The following VSTM2L variants were observed in gnomAD, a reference collection of about 807,000 sequenced individuals.
VSTM2L encodes the protein V-set and transmembrane domain-containing protein 2-like protein.
A neutral mutation model predicts 19.9 loss-of-function variants in VSTM2L; 9 were observed. The ratio of observed to expected loss-of-function variants is 0.45; its 90% CI spans 0.27 to 0.79. The LOEUF is 0.79. Ranked by LOEUF, VSTM2L falls within the 30% of genes least tolerant of loss-of-function variation. VSTM2L has a pLI of 0.15. For synonymous variants in VSTM2L, 127 were observed against 133.8 expected (o/e 0.95, Z 0.35); for missense variants, 286 against 295.5 (o/e 0.97, Z 0.24).
At chr20:37,941,369 CCCACCCAGGCAGAGGGCCCA>C (rs2072970764) in intron 3 of VSTM2L, among the ~76,000 whole-genome samples, 1 of 152,054 alleles carries the variant, frequency 6.6e-6, no homozygotes, top group Non-Finnish European at 1.5e-5. Context: ...AACAGGGAAC[CCCACCCAGGCAGAGGGCCCA>C]GCACGCGCAA....
intron 1 of VSTM2L, among the ~76,000 whole-genome samples, chr20:37,906,121 T>A (rs1034930130): frequency 1.3e-5 from 2 of 151,978 alleles, no homozygotes; most frequent in Admixed American, 6.6e-5. Flanking sequence ...TGGTGGCTGC[T>A]CACCCCTCCA....
In VSTM2L at chr20:37,941,488, C is replaced by A. The variant is rs551737841; in HGVS notation, c.343-2493C>A. On this transcript the variant is annotated intron_variant, in intron 3 of 3. Coordinates refer to ENST00000373461, the MANE Select transcript of VSTM2L (RefSeq NM_080607.3). ...ATTGGTAAGACGATTAGAAGTCACACGTGTGAGTGCCCAGCACAGGCTCAG... is the reference window on the plus strand; with the variant it reads ...ATTGGTAAGACGATTAGAAGTCACAAGTGTGAGTGCCCAGCACAGGCTCAG... 3.9e-5 allele frequency among the ~76,000 whole-genome samples: 6 copies of A among 152,312 alleles called. No individual in the cohort carries two copies. In the East Asian group the frequency reaches 1.2e-3, roughly 29 times the overall value.
At position 37,926,083 on chromosome 20, in the gene VSTM2L, T is replaced by C. The variant is rs1209749217; in HGVS notation, c.122-5552T>C. 4.6e-5 allele frequency among the ~76,000 whole-genome samples: 7 copies of C among 152,288 alleles called. No individual in the cohort carries two copies. In the East Asian group the frequency reaches 1.2e-3, roughly 25 times the overall value. On this transcript the variant is annotated intron_variant, in intron 1 of 3. Transcript: ENST00000373461. ...CCCTTTTTTTGTTTGTTTTTTGAGA[T>C]GGAGTTTCGCTCTTGTTGCCCAGGC...
intron 1 of VSTM2L, among the ~76,000 whole-genome samples, chr20:37,909,381 T>C (rs949051066): frequency 6.6e-6 from 1 of 152,060 alleles, no homozygotes; most frequent in Non-Finnish European, 1.5e-5. Context: ...TGAAAGGAGT[T>C]TGGGGCCCGC....
rs140217890 is a variant in VSTM2L, at chr20:37,931,921, C to T, written c.291+117C>T. 4.9e-5 allele frequency: 58 copies of T among 1,181,316 alleles called. No individual in the cohort carries two copies. The Admixed American group carries it at 1.4e-3, about 28-fold the overall frequency. The allele number at this position is 1,181,316 out of a possible 1,614,324, so 73.2% of individuals were successfully genotyped here. ...ATATGGGCTCCAACGCTGTTCTCCA[C>T]ACCACACAGCTGTCTCCCTCCCTTC... On this transcript the variant is annotated intron_variant, in intron 2 of 3. Transcript: ENST00000373461.
In VSTM2L at chr20:37,944,531, G is replaced by A. The variant is rs2072997109; in HGVS notation, c.*278G>A. ...AACACTGGGGCAGGGACCATGCTGG[G>A]GCCCGGGGCCACCCCCTTCCTGTCA... On this transcript the variant is annotated 3_prime_UTR_variant, in exon 4 of 4. Coordinates refer to ENST00000373461, the MANE Select transcript of VSTM2L (RefSeq NM_080607.3). The A allele has an allele frequency of 1.7e-6, 2 of 1,199,842 alleles. No homozygotes were observed. The highest frequency in any genetic ancestry group is 4.3e-5 in the Admixed American group (1 of 23,262). 74.3% of individuals were successfully genotyped at this position (1,199,842 alleles called of 1,614,324 possible).
chr20:37,920,855 C>T (rs2072846349), intron 1 of VSTM2L, among the ~76,000 whole-genome samples: 1 of 152,182 alleles, frequency 6.6e-6, no homozygotes, highest in Non-Finnish European at 1.5e-5. Flanking sequence ...TTCCTTAGAA[C>T]TTCAATCCTC....
chr20:37,932,359 G>C (rs554664723), intron 2 of VSTM2L, among the ~76,000 whole-genome samples: 32 of 152,264 alleles, frequency 2.1e-4, no homozygotes, highest in African/African-American at 7.5e-4. Flanking sequence ...CCCATGCCTG[G>C]TGTGCAGCGT....
intron 1 of VSTM2L, 100 bp from the exon 2 acceptor site, chr20:37,931,535 C>CCCCT: frequency 7.3e-7 from 1 of 1,367,866 alleles, no homozygotes; most frequent in Non-Finnish European, 1.0e-6. Flanking sequence ...ACCCATCCCC[C>CCCCT]GCCGTGCAGG....
chr20:37,931,594 T>A (rs761611521), intron 1 of VSTM2L, 41 bp from the exon 2 acceptor site: 1 of 1,559,664 alleles, frequency 6.4e-7, no homozygotes, highest in Non-Finnish European at 8.7e-7. Context: ...AGCCCCGTGG[T>A]TTCCTGAGCC....
chr20:37,923,238 C>T (rs985736691), intron 1 of VSTM2L, among the ~76,000 whole-genome samples: 3 of 152,136 alleles, frequency 2.0e-5, no homozygotes, highest in Non-Finnish European at 2.9e-5. Flanking sequence ...TCATGCTGAA[C>T]CAGGGTCTGG....
rs761595798 is a variant in VSTM2L at position 37,945,023 on chromosome 20, C to T, written c.*770C>T. 82 of 985,790 alleles carry T rather than the reference C, an allele frequency of 8.3e-5. No individual in the cohort carries two copies. Among genetic ancestry groups the T allele is most frequent in the Middle Eastern group, 5.2e-4 (1 of 1,916 alleles). The allele number at this position is 985,790 out of a possible 1,614,324, so 61.1% of individuals were successfully genotyped here. On this transcript the variant is annotated 3_prime_UTR_variant, in exon 4 of 4. Coordinates refer to ENST00000373461, the MANE Select transcript of VSTM2L (RefSeq NM_080607.3). ...CTTCAAGGCTCTCCCAGGAGTCCCC[C>T]TCTGCCGGCCCCCCAATGCCCCAGC...
chr20:37,934,764 A>T (rs1303599401), intron 3 of VSTM2L, among the ~76,000 whole-genome samples: 1 of 152,058 alleles, frequency 6.6e-6, no homozygotes, highest in Non-Finnish European at 1.5e-5. Flanking sequence ...GGCATCATGG[A>T]GGCAGAGAGG....
chr20:37,910,934 A>G (rs1050614997), intron 1 of VSTM2L, among the ~76,000 whole-genome samples: 3 of 149,190 alleles, frequency 2.0e-5, no homozygotes, highest in Non-Finnish European at 4.4e-5. Context: ...AAAAAAAAAG[A>G]AAAAGAAGAA....
At chr20:37,905,102 G>A (rs941697296) in intron 1 of VSTM2L, among the ~76,000 whole-genome samples, 3 of 152,068 alleles carry the variant, frequency 2.0e-5, no homozygotes, top group Non-Finnish European at 2.9e-5. Flanking sequence ...GGCAAAGACA[G>A]CGCTTTTTTC....
At chr20:37,924,091 G>A (rs931521627) in intron 1 of VSTM2L, among the ~76,000 whole-genome samples, 35 of 152,008 alleles carry the variant, frequency 2.3e-4, no homozygotes, top group Admixed American at 1.3e-4. Flanking sequence ...TTAAAAATTA[G>A]CTTGTTGTAG....
At chr20:37,912,685 T>C (rs371559734) in intron 1 of VSTM2L, among the ~76,000 whole-genome samples, 37 of 152,288 alleles carry the variant, frequency 2.4e-4, no homozygotes, top group African/African-American at 8.9e-4. Flanking sequence ...TGGGAGCATC[T>C]GGAAGGTTAG....
At chr20:37,921,094 A>G (rs1049806385) in intron 1 of VSTM2L, among the ~76,000 whole-genome samples, 3 of 152,188 alleles carry the variant, frequency 2.0e-5, no homozygotes, top group Non-Finnish European at 4.4e-5. Flanking sequence ...GTCATATAAC[A>G]CACTCAGCAT....
chr20:37,944,576 G>C lies in VSTM2L; in HGVS notation c.*323G>C. ...CTGTCACCAGCTTCTGTGGAGTCCAGTGTTTTGCTTTGCTTGCTTGTCCCC... is the reference window on the plus strand; with the variant it reads ...CTGTCACCAGCTTCTGTGGAGTCCACTGTTTTGCTTTGCTTGCTTGTCCCC... On this transcript the variant is annotated 3_prime_UTR_variant, in exon 4 of 4. Coordinates refer to ENST00000373461, the MANE Select transcript of VSTM2L (RefSeq NM_080607.3). The C allele has an allele frequency of 8.8e-7, 1 of 1,130,662 alleles. No individual in the cohort carries two copies. The highest frequency in any genetic ancestry group is 1.1e-6 in the Non-Finnish European group (1 of 923,834). 70.0% of individuals were successfully genotyped at this position (1,130,662 alleles called of 1,614,324 possible).
Sources: allele counts gnomAD v4.1 joint callset (sites outside exome capture counted in the v4.1 genomes callset), GRCh38; gene constraint gnomAD v4.1.1; transcripts MANE v1.5; gene names NCBI Gene and HGNC (gene_info 2026-07-23, HGNC 2026-07-21).